USP40: variants seen among roughly 807,000 people sequenced by gnomAD.
The protein encoded by USP40 is ubiquitin carboxyl-terminal hydrolase 40.
A neutral mutation model predicts 166.2 loss-of-function variants in USP40; 143 were observed. The ratio of observed to expected loss-of-function variants is 0.86; its 90% CI spans 0.75 to 0.99. The LOEUF (loss-of-function observed/expected upper bound fraction) is 0.99. Ranked by LOEUF, USP40 falls within the 50% of genes least tolerant of loss-of-function variation. USP40 has a pLI of 0.00. For synonymous variants in USP40, 498 were observed against 524.0 expected (o/e 0.95, Z 0.68); for missense variants, 1,444 against 1,479.7 (o/e 0.98, Z 0.40).
At chr2:233,566,557 G>T in intron 1 of USP40, 127 bp downstream of exon 1, 1 of 472,514 alleles carries the variant, frequency 2.1e-6, no homozygotes, top group Non-Finnish European at 2.8e-6. Flanking sequence ...CCCGACTCCA[G>T]GAGAGCGCCG....
intron 14 of USP40, among the ~76,000 whole-genome samples, chr2:233,524,958 A>C (rs903498425): frequency 7.2e-5 from 11 of 152,254 alleles, no homozygotes; most frequent in African/African-American, 2.2e-4. Context: ...TATGAAAATC[A>C]AGTGAGATAA....
In USP40 at chr2:233,512,623, CTA is replaced by C. The variant is rs1238413349; in HGVS notation, c.2384-3_2384-2del. ...ATAGGTCTCAAACAGCTGTTGTCAG[CTA>C]TATATAAAAGGAATATTATTTTTCT... On this transcript the variant is annotated splice_acceptor_variant and splice_polypyrimidine_tract_variant and intron_variant, in intron 18 of 31. Transcript: ENST00000678225. LOFTEE classifies it high-confidence loss of function. 7.5e-7 allele frequency: 1 copy of C among 1,337,214 alleles called. No individual in the cohort carries two copies. Among genetic ancestry groups the C allele is most frequent in the Non-Finnish European group, 1.0e-6 (1 of 989,770 alleles). 82.8% of individuals were successfully genotyped at this position (1,337,214 alleles called of 1,614,324 possible). A position where few individuals can be genotyped will look rare whatever the true frequency, so the allele number is the denominator to read the frequency against.
Position 233,480,164 on chromosome 2 carries a change from C to A in USP40, c.3599+1039G>T, listed in dbSNP as rs1388857392. On this transcript the variant is annotated intron_variant, in intron 31 of 31. Coordinates refer to ENST00000678225, the MANE Select transcript of USP40 (RefSeq NM_001365479.2). The surrounding 1 kb of genome is among the most constrained non-coding windows in gnomAD (Gnocchi z 4.5). ...ACCTGGGACCTCTCTTCCCCAGACG[C>A]CCCCAGTGGCAGAGGGCATGCAGTC... Among the ~76,000 whole-genome samples, 1 of 152,208 alleles carries A rather than the reference C, an allele frequency of 6.6e-6. No homozygotes were observed. Among genetic ancestry groups the A allele is most frequent in the Admixed American group, 6.5e-5 (1 of 15,280 alleles).
intron 30 of USP40, 123 bp from the exon 31 acceptor site, chr2:233,481,420 G>GTTTAT: frequency 2.4e-6 from 2 of 819,820 alleles, no homozygotes; most frequent in Non-Finnish European, 3.8e-6. Flanking sequence ...ACATAAACTA[G>GTTTAT]GTGAATAACT....
rs950296133 is a variant in USP40 at position 233,498,546 on chromosome 2, A to G, written c.2715+2T>C. ...AAGTACAATGTATAGAAATCATCTT[A>G]CTTCTTCACATAAAGGCTCTCCAGC... On this transcript the variant is annotated splice_donor_variant, in intron 23 of 31. Transcript: ENST00000678225. LOFTEE classifies it high-confidence loss of function. The G allele has an allele frequency of 3.1e-6, 5 of 1,612,570 alleles. No individual in the cohort carries two copies. Among genetic ancestry groups the G allele is most frequent in the Non-Finnish European group, 3.4e-6 (4 of 1,179,272 alleles).
At chr2:233,516,278 A>G (rs1400804416) in intron 18 of USP40, among the ~76,000 whole-genome samples, 2 of 152,204 alleles carry the variant, frequency 1.3e-5, no homozygotes, top group Non-Finnish European at 2.9e-5. Context: ...TGGCCACTTT[A>G]AATTATTTGT....
chr2:233,481,576 A>G, intron 30 of USP40: 2 of 450,148 alleles, frequency 4.4e-6, no homozygotes, highest in Admixed American at 7.4e-5. Flanking sequence ...GGGACTTTAA[A>G]GGGCTACCAG....
In USP40 at chr2:233,498,535, G is replaced by C; in HGVS notation, c.2715+13C>G. ...TAATCATACGAAAGTACAATGTATA[G>C]AAATCATCTTACTTCTTCACATAAA... On this transcript the variant is annotated intron_variant, in intron 23 of 31. Coordinates refer to ENST00000678225, the MANE Select transcript of USP40 (RefSeq NM_001365479.2). The C allele has an allele frequency of 6.2e-7, 1 of 1,610,152 alleles. No individual in the cohort carries two copies. The highest frequency in any genetic ancestry group is 8.5e-7 in the Non-Finnish European group (1 of 1,177,912).
chr2:233,488,169 T>C, intron 28 of USP40, 70 bp downstream of exon 28: 1 of 1,347,128 alleles, frequency 7.4e-7, no homozygotes, highest in South Asian at 1.3e-5. Context: ...ATGAAGTTGT[T>C]AAAGCTTCAA....
intron 18 of USP40, among the ~76,000 whole-genome samples, chr2:233,515,040 A>G (rs2125176518): frequency 6.6e-6 from 1 of 152,368 alleles, no homozygotes; most frequent in East Asian, 1.9e-4. Context: ...TTCTCTTGGC[A>G]TAATGACTTT....
chr2:233,529,431 C>A lies in USP40; in HGVS notation c.1553G>T (p.Arg518Met). 1 of 1,559,942 alleles carries A rather than the reference C, an allele frequency of 6.4e-7. No individual in the cohort carries two copies. Among genetic ancestry groups the A allele is most frequent in the Non-Finnish European group, 8.7e-7 (1 of 1,150,254 alleles). ...DAANIELQTK[R>M]AECDSANNTF... Reference sequence around the variant, plus strand: ...AACTCTAAAAGCAATTTAAAATTACCTTTTGGTTTGCAGTTCAATGTTAGC... The same window carrying A: ...AACTCTAAAAGCAATTTAAAATTACATTTTGGTTTGCAGTTCAATGTTAGC... The change falls in exon 12 of 32, where the codon AGG (arginine) becomes ATG (methionine). Residue 518 changes from arginine (R) to methionine (M), a missense_variant and splice_region_variant. Arg to Met is a moderately conservative substitution (Grantham distance 91, BLOSUM62 -1). Transcript: ENST00000678225.
In USP40 at chr2:233,487,809, T is replaced by C. The variant is rs897328643; in HGVS notation, c.3197+430A>G. ...AAACCAAGTACTTATATTCTAGTAG[T>C]GGGAGACAGATACTAACAAATAAAT... On this transcript the variant is annotated intron_variant, in intron 28 of 31. Coordinates refer to ENST00000678225, the MANE Select transcript of USP40 (RefSeq NM_001365479.2). The C allele has an allele frequency of 1.3e-5, 5 of 378,684 alleles. No individual in the cohort carries two copies. In the Admixed American group the frequency reaches 1.4e-4, roughly 11 times the overall value. The allele number at this position is 378,684 out of a possible 1,614,324, so 23.5% of individuals were successfully genotyped here.
intron 9 of USP40, among the ~76,000 whole-genome samples, chr2:233,541,234 T>C (rs1464988627): frequency 6.6e-6 from 1 of 152,226 alleles, no homozygotes; most frequent in Non-Finnish European, 1.5e-5. Context: ...ATTCATATGT[T>C]GAATTCCTAA....
chr2:233,477,810 CG>C (rs1204360807), intron 31 of USP40, among the ~76,000 whole-genome samples: 1 of 152,220 alleles, frequency 6.6e-6, no homozygotes, highest in African/African-American at 2.4e-5. Context: ...ACTTTTTAAA[CG>C]GAAGAATAAC....
Position 233,477,516 on chromosome 2 carries a change from AGACACT to A in USP40, c.3600-19_3600-14del, listed in dbSNP as rs2064245387. 6.2e-7 allele frequency: 1 copy of A among 1,608,864 alleles called. No homozygotes were observed. Among genetic ancestry groups the A allele is most frequent in the Non-Finnish European group, 8.5e-7 (1 of 1,176,752 alleles). ...GAGGGCTTCTTGGCTGCAGAGACACAGACACTGTCATTGACTCATGGATGCAGTGGG... is the reference window on the plus strand; with the variant it reads ...GAGGGCTTCTTGGCTGCAGAGACACAGTCATTGACTCATGGATGCAGTGGG... On this transcript the variant is annotated splice_polypyrimidine_tract_variant and intron_variant, in intron 31 of 31. Transcript: ENST00000678225.
chr2:233,517,781 G>GGTGTGTGT lies in USP40; in HGVS notation c.2383+1825_2383+1832dup, dbSNP rs111938537. On this transcript the variant is annotated intron_variant, in intron 18 of 31. Transcript: ENST00000678225. ...ATCAATGAGTGGATAAAGAAACTGT[G>GGTGTGTGT]GTGTGTGTGTGTGTGTGTGTGTGTG... 7.4e-4 allele frequency among the ~76,000 whole-genome samples: 105 copies of GGTGTGTGT among 142,250 alleles called. 3 individuals carry two copies. In the East Asian group the frequency reaches 9.3e-3, roughly 13 times the overall value. 93.3% of individuals were successfully genotyped at this position (142,250 alleles called of 152,430 possible).
At chr2:233,555,035 C>G (rs941391799) in intron 5 of USP40, among the ~76,000 whole-genome samples, 2 of 151,698 alleles carry the variant, frequency 1.3e-5, no homozygotes, top group African/African-American at 2.4e-5. Context: ...ACTAAAAATA[C>G]AAAAAAAATT....
At chr2:233,536,849 A>G (rs1218135450) in intron 10 of USP40, among the ~76,000 whole-genome samples, 1 of 152,136 alleles carries the variant, frequency 6.6e-6, no homozygotes, top group Non-Finnish European at 1.5e-5. Flanking sequence ...CAGTACAACT[A>G]TTTACATAGC....
In USP40 at chr2:233,486,119, T is replaced by A; in HGVS notation, c.3198-142A>T. ...TTTTTCCCTAAATGCTGGATGCTAGTGGCAAACTCTTATTCCGCATTTCAA... is the reference window on the plus strand; with the variant it reads ...TTTTTCCCTAAATGCTGGATGCTAGAGGCAAACTCTTATTCCGCATTTCAA... On this transcript the variant is annotated intron_variant, in intron 28 of 31. Transcript: ENST00000678225. The surrounding 1 kb of genome is among the most constrained non-coding windows in gnomAD (Gnocchi z 4.0). 1 of 868,876 alleles carries A rather than the reference T, an allele frequency of 1.2e-6. No individual in the cohort carries two copies. Among genetic ancestry groups the A allele is most frequent in the Middle Eastern group, 3.4e-4 (1 of 2,966 alleles). 53.8% of individuals were successfully genotyped at this position (868,876 alleles called of 1,614,324 possible).
Sources: gnomAD v4.1 joint callset for allele counts (sites outside exome capture counted in the v4.1 genomes callset) on GRCh38, gnomAD v4.1.1 for gene constraint, Gnocchi (gnomAD v3.1) non-coding constraint, MANE v1.5 for transcripts, NCBI Gene and HGNC (gene_info 2026-07-23, HGNC 2026-07-21) for gene names.